ZNF790: variants seen among roughly 807,000 people sequenced by gnomAD.
ZNF790 encodes the protein zinc finger protein 790.
ZNF790 carries 8 observed loss-of-function variants against 12.1 expected under a neutral mutation model. The ratio of observed to expected loss-of-function variants is 0.66; its 90% CI spans 0.39 to 1.19. The LOEUF (loss-of-function observed/expected upper bound fraction) is 1.19, where lower values mean the gene tolerates loss of function less well. Among genes scored for constraint, ZNF790 ranks in the 50% most tolerant of loss-of-function variants. The pLI, the probability that ZNF790 is intolerant of heterozygous loss-of-function variation, is 0.01. For synonymous variants in ZNF790, 252 were observed against 244.3 expected (o/e 1.03, Z -0.29); for missense variants, 707 against 752.2 (o/e 0.94, Z 0.70).
intron 4 of ZNF790, 43 bp downstream of exon 4, chr19:36,823,242 T>C (rs750345705): frequency 9.7e-6 from 15 of 1,542,770 alleles, no homozygotes; most frequent in African/African-American, 2.7e-5. Context: ...TGAGCTGTTA[T>C]CCACAACAAT....
Position 36,820,195 on chromosome 19 carries a change from T to C in ZNF790, c.230-81A>G, listed in dbSNP as rs181374998. 1,135 of 1,430,928 alleles carry C rather than the reference T, an allele frequency of 7.9e-4. 10 individuals carry two copies. The African/African-American group carries it at 0.015, about 19-fold the overall frequency. The allele number at this position is 1,430,928 out of a possible 1,614,324, so 88.6% of individuals were successfully genotyped here. A position where few individuals can be genotyped will look rare whatever the true frequency, so the allele number is the denominator to read the frequency against. On this transcript the variant is annotated intron_variant, in intron 4 of 4. Transcript: ENST00000356725. ...ACTTCTAAAATAGATATAGAAAATC[T>C]TGAAGTAAAGCATATGAGAAGTGAA...
At chr19:36,824,944 A>G (rs1363289223) in intron 2 of ZNF790, among the ~76,000 whole-genome samples, 1 of 152,194 alleles carries the variant, frequency 6.6e-6, no homozygotes, top group East Asian at 1.9e-4. Flanking sequence ...TTTTCTGTGG[A>G]AAATGTGTAG....
At chr19:36,845,877 C>T (rs1034863339) in intron 1 of ZNF790, among the ~76,000 whole-genome samples, 2 of 151,510 alleles carry the variant, frequency 1.3e-5, no homozygotes, top group African/African-American at 2.4e-5. Flanking sequence ...GGCATGATCT[C>T]GGCTCACTGC....
At chr19:36,842,684 G>A (rs2072139869), upstream of ZNF790, among the ~76,000 whole-genome samples, 1 of 150,986 alleles carries the variant, frequency 6.6e-6, no homozygotes, top group Admixed American at 6.6e-5. Context: ...AAAACACAAA[G>A]CTTTTTAACT....
intron 1 of ZNF790, among the ~76,000 whole-genome samples, chr19:36,846,875 T>C (rs2072185312): frequency 6.6e-6 from 1 of 152,190 alleles, no homozygotes; most frequent in Non-Finnish European, 1.5e-5. Flanking sequence ...GGCTAATTCC[T>C]AAAGATAATC....
In ZNF790 at chr19:36,819,339, T is replaced by C. The variant is rs1311135262; in HGVS notation, c.1005A>G (p.Glu335=). 1 of 1,612,440 alleles carries C rather than the reference T, an allele frequency of 6.2e-7. No homozygotes were observed. Among genetic ancestry groups the C allele is most frequent in the African/African-American group, 1.3e-5 (1 of 74,832 alleles). Residue 335 remains glutamate, a synonymous_variant, in exon 5 of 5, where the codon GAA becomes GAG. Coordinates refer to ENST00000356725, the MANE Select transcript of ZNF790 (RefSeq NM_206894.4). ...LIKHQRIHTG[E]KPYECKECGK... ...CACACTCCTTACATTCATAAGGTTT[T>C]TCACCAGTGTGAATTCTCTGATGTT...
At chr19:36,834,160 T>C (rs1455359837) in intron 1 of ZNF790, among the ~76,000 whole-genome samples, 1 of 150,090 alleles carries the variant, frequency 6.7e-6, no homozygotes, top group African/African-American at 2.5e-5. Context: ...TGATAATCAC[T>C]TGAACCGGGG....
chr19:36,840,255 G>A (rs562097714), upstream of ZNF790, among the ~76,000 whole-genome samples: 44 of 152,082 alleles, frequency 2.9e-4, no homozygotes, highest in African/African-American at 1.0e-3. Context: ...TACTGGCAGG[G>A]GACCCCAAGA....
intron 3 of ZNF790, 84 bp from the exon 4 acceptor site, chr19:36,823,464 G>T (rs2146026714): frequency 7.2e-7 from 1 of 1,390,432 alleles, no homozygotes; most frequent in East Asian, 2.4e-5. Flanking sequence ...CTAAGGAAGA[G>T]AAACAATTAC....
intron 1 of ZNF790, among the ~76,000 whole-genome samples, chr19:36,836,019 G>A (rs1157445056): frequency 1.3e-5 from 2 of 152,008 alleles, no homozygotes; most frequent in African/African-American, 4.8e-5. Context: ...CCAGGGATTA[G>A]GAAGTAAACA....
Position 36,819,559 on chromosome 19 carries a change from G to C in ZNF790, c.785C>G (p.Ala262Gly). The C allele has an allele frequency of 6.2e-7, 1 of 1,612,444 alleles. No homozygotes were observed. The highest frequency in any genetic ancestry group is 8.5e-7 in the Non-Finnish European group (1 of 1,179,046). The change falls in exon 5 of 5, where the codon GCC becomes GGC. Residue 262 changes from alanine to glycine, a missense_variant. Coordinates refer to ENST00000356725, the MANE Select transcript of ZNF790 (RefSeq NM_206894.4). The stretch of plus-strand genomic sequence containing the variant: ...ACTAAGTTGTGAATGAAATCTAAAG[G>C]CTTTCCCACAATCCTTACATTTAAA... The part of the protein sequence containing the change: ...KPFKCKDCGK[A>G]FRFHSQLSVH...
intron 1 of ZNF790, chr19:36,827,982 G>A (rs898778291): frequency 6.6e-6 from 1 of 152,128 alleles, no homozygotes; most frequent in Non-Finnish European, 1.5e-5. Flanking sequence ...TCCATGTAAA[G>A]CCTGTAGTAT....
chr19:36,845,260 T>A (rs2072169831), intron 1 of ZNF790, among the ~76,000 whole-genome samples: 1 of 150,768 alleles, frequency 6.6e-6, no homozygotes, highest in Non-Finnish European at 1.5e-5. Flanking sequence ...CTACAAAAAA[T>A]CAAAAATTAG....
chr19:36,843,809 G>A (rs573270596), intron 1 of ZNF790, among the ~76,000 whole-genome samples: 1 of 151,360 alleles, frequency 6.6e-6, no homozygotes, highest in South Asian at 2.1e-4. Context: ...GGGAGTTCGA[G>A]ACCAGCCTGA....
At chr19:36,847,435 A>C (rs1416182613) in intron 1 of ZNF790, among the ~76,000 whole-genome samples, 1 of 152,140 alleles carries the variant, frequency 6.6e-6, no homozygotes, top group Non-Finnish European at 1.5e-5. Flanking sequence ...CCCAAAATTT[A>C]TATAGTGAAA....
rs373570525 is a variant in ZNF790, at chr19:36,833,888, C to G, written c.-74+4449G>C. ...ATTTGAATAAGATACAGAGTACAAA[C>G]CATAAAAGAAAAATGATAATGATCA... On this transcript the variant is annotated intron_variant, in intron 1 of 4. Transcript: ENST00000356725. Among the ~76,000 whole-genome samples, 34 of 152,126 alleles carry G rather than the reference C, an allele frequency of 2.2e-4. No individual in the cohort carries two copies. In the East Asian group the frequency reaches 4.2e-3, roughly 19 times the overall value.
At chr19:36,846,496 G>A (rs1726695) in intron 1 of ZNF790, among the ~76,000 whole-genome samples, 2 of 152,124 alleles carry the variant, frequency 1.3e-5, no homozygotes, top group Non-Finnish European at 2.9e-5. Context: ...CCCGGGAAGC[G>A]GAGGTTGCAG....
Position 36,818,866 on chromosome 19 carries a change from A to C in ZNF790, c.1478T>G (p.Leu493Arg), listed in dbSNP as rs924593722. ...CGKTFFRGSE[L>R]NRHQKIHTGK... The stretch of plus-strand genomic sequence containing the variant: ...AGTATGAATTTTCTGGTGTCGATTA[A>C]GTTCTGAACCACGAAAAAAGGTCTT... The change falls in exon 5 of 5, where the codon CTT becomes CGT. Residue 493 changes from leucine to arginine, a missense_variant. Leu to Arg is a moderately radical substitution (Grantham distance 102). Coordinates refer to ENST00000356725, the MANE Select transcript of ZNF790 (RefSeq NM_206894.4). The C allele has an allele frequency of 1.9e-6, 3 of 1,613,492 alleles. No homozygotes were observed. Among genetic ancestry groups the C allele is most frequent in the East Asian group, 2.2e-5 (1 of 44,884 alleles).
intron 1 of ZNF790, among the ~76,000 whole-genome samples, chr19:36,847,437 A>G (rs918898602): frequency 1.3e-5 from 2 of 152,172 alleles, no homozygotes; most frequent in Admixed American, 6.5e-5. Context: ...CAAAATTTAT[A>G]TAGTGAAACT....
Sources: gnomAD v4.1 joint callset for allele counts (sites outside exome capture counted in the v4.1 genomes callset) on GRCh38, gnomAD v4.1.1 for gene constraint, MANE v1.5 for transcripts, NCBI Gene and HGNC (gene_info 2026-07-23, HGNC 2026-07-21) for gene names.